GPC5: variants seen among roughly 807,000 people sequenced by gnomAD.
GPC5 encodes the protein glypican 5, also known as glypican-5.
GPC5 carries 47 observed loss-of-function variants against 53.9 expected under a neutral mutation model. The ratio of observed to expected loss-of-function variants is 0.87; its 90% confidence interval spans 0.69 to 1.11. The LOEUF is 1.11. Among genes scored for constraint, GPC5 ranks in the 50% most tolerant of loss-of-function variants. The pLI is 0.00. For synonymous variants in GPC5, 286 were observed against 263.3 expected, an observed-to-expected ratio of 1.09 and a Z score of -0.84; for missense variants, 748 against 713.1, an observed-to-expected ratio of 1.05 and a Z score of -0.56.
intron 7 of GPC5, among the ~76,000 whole-genome samples, chr13:92,357,897 C>T (rs1471504318): frequency 6.6e-6 from 1 of 151,408 alleles, no homozygotes; most frequent in Non-Finnish European, 1.5e-5. Flanking sequence ...AAATCCAAAC[C>T]ATATCATTCT....
intron 5 of GPC5, among the ~76,000 whole-genome samples, chr13:91,781,357 G>A (rs115455780): frequency 4.7e-4 from 71 of 152,318 alleles, no homozygotes; most frequent in African/African-American, 1.6e-3. Context: ...GCTGTACTGA[G>A]AATAGTTGGG....
chr13:91,673,968 C>G (rs2035309474), intron 2 of GPC5, among the ~76,000 whole-genome samples: 1 of 152,148 alleles, frequency 6.6e-6, no homozygotes, highest in East Asian at 1.9e-4. Flanking sequence ...AAATAAAATC[C>G]ATTCGTCTAC....
At chr13:92,540,401 G>A (rs943492875) in intron 7 of GPC5, among the ~76,000 whole-genome samples, 1 of 151,874 alleles carries the variant, frequency 6.6e-6, no homozygotes, top group Non-Finnish European at 1.5e-5. Context: ...ATCAGGAGTT[G>A]TGAATTAAAT....
At chr13:92,841,292 G>C (rs1166728167) in intron 7 of GPC5, among the ~76,000 whole-genome samples, 2 of 152,056 alleles carry the variant, frequency 1.3e-5, no homozygotes, top group Non-Finnish European at 2.9e-5. Flanking sequence ...AGTAGACCTA[G>C]TTTTAAATTC....
chr13:92,310,666 T>A (rs1021733683), intron 7 of GPC5, among the ~76,000 whole-genome samples: 3 of 152,178 alleles, frequency 2.0e-5, no homozygotes, highest in Admixed American at 1.3e-4. Context: ...CCTTCCCAAT[T>A]GTTTAATAAA....
At chr13:91,645,183 G>A (rs1476063352) in intron 2 of GPC5, among the ~76,000 whole-genome samples, 3 of 152,158 alleles carry the variant, frequency 2.0e-5, no homozygotes, top group Admixed American at 2.0e-4. Context: ...GTACTTCAGG[G>A]ACTCAAATTT....
At chr13:92,303,767 G>A (rs534277575) in intron 7 of GPC5, among the ~76,000 whole-genome samples, 1 of 152,358 alleles carries the variant, frequency 6.6e-6, no homozygotes, top group Admixed American at 6.5e-5. Flanking sequence ...TACTCATACA[G>A]TGTTTGATAT....
intron 2 of GPC5, among the ~76,000 whole-genome samples, chr13:91,561,053 T>C (rs1241624053): frequency 3.3e-5 from 5 of 152,146 alleles, no homozygotes; most frequent in South Asian, 2.1e-4. Context: ...GTTACTGTCT[T>C]TGAACTGTCA....
At chr13:91,896,045 G>A (rs560560075) in intron 5 of GPC5, among the ~76,000 whole-genome samples, 3 of 151,954 alleles carry the variant, frequency 2.0e-5, no homozygotes, top group African/African-American at 7.2e-5. Flanking sequence ...CAGCCTTACA[G>A]GAACACATGT....
chr13:91,793,204 A>C (rs1305607880), intron 5 of GPC5, among the ~76,000 whole-genome samples: 1 of 152,160 alleles, frequency 6.6e-6, no homozygotes, highest in Non-Finnish European at 1.5e-5. Context: ...TCTTCTTCAC[A>C]TGGTGGCAGC....
At chr13:92,602,160 ATATACAAATACACAC>A (rs1395451092) in intron 7 of GPC5, among the ~76,000 whole-genome samples, 1 of 145,512 alleles carries the variant, frequency 6.9e-6, no homozygotes, top group Non-Finnish European at 1.5e-5. Flanking sequence ...TATACACACT[ATATACAAATACACAC>A]TATATATATT....
intron 5 of GPC5, among the ~76,000 whole-genome samples, chr13:91,786,026 T>A (rs1330534951): frequency 3.9e-5 from 6 of 152,148 alleles, no homozygotes; most frequent in Non-Finnish European, 8.8e-5. Flanking sequence ...AGACCAAGTC[T>A]CGCTCTGTCA....
chr13:92,442,965 C>G (rs7990928), intron 7 of GPC5, among the ~76,000 whole-genome samples: 1 of 152,110 alleles, frequency 6.6e-6, no homozygotes, highest in Middle Eastern at 3.4e-3. Flanking sequence ...CTGTGTTAGA[C>G]TGTTTTGCAT....
At chr13:92,543,049 A>G (rs1226303926) in intron 7 of GPC5, among the ~76,000 whole-genome samples, 1 of 151,992 alleles carries the variant, frequency 6.6e-6, no homozygotes, top group African/African-American at 2.4e-5. Flanking sequence ...TTTCAGTATT[A>G]ATTACATTAA....
intron 2 of GPC5, among the ~76,000 whole-genome samples, chr13:91,501,420 A>C (rs1305335590): frequency 2.6e-5 from 4 of 151,644 alleles, no homozygotes; most frequent in Non-Finnish European, 5.9e-5. Flanking sequence ...AACAGGCCCC[A>C]GTGTGTGATG....
intron 7 of GPC5, among the ~76,000 whole-genome samples, chr13:92,842,447 C>T (rs1228855967): frequency 3.3e-5 from 5 of 152,068 alleles, no homozygotes; most frequent in African/African-American, 4.8e-5. Flanking sequence ...ACCAAGTTTA[C>T]GGCAAGCAGT....
chr13:91,461,261 A>G (rs9589242), intron 2 of GPC5, among the ~76,000 whole-genome samples: 2,752 of 152,304 alleles, frequency 0.018, 75 homozygotes, highest in African/African-American at 0.064. Flanking sequence ...ATGTTAACTT[A>G]GGAAACATAT....
At chr13:92,507,347 C>T (rs756680855) in intron 7 of GPC5, among the ~76,000 whole-genome samples, 7 of 152,106 alleles carry the variant, frequency 4.6e-5, no homozygotes, top group Admixed American at 1.3e-4. Context: ...ATTCAACAAA[C>T]GCTTGATGAG....
intron 5 of GPC5, among the ~76,000 whole-genome samples, chr13:91,847,921 T>G (rs4529993): frequency 0.7 from 106,463 of 152,090 alleles, 38,874 homozygotes; most frequent in East Asian, 0.95. Flanking sequence ...ACAGCCTCAA[T>G]TTCTGTACTC....
Sources: allele counts gnomAD v4.1 joint callset (sites outside exome capture counted in the v4.1 genomes callset), GRCh38; gene constraint gnomAD v4.1.1; transcripts MANE v1.5; gene names NCBI Gene and HGNC (gene_info 2026-07-23, HGNC 2026-07-21).